XRCC4: variants seen among roughly 807,000 people sequenced by gnomAD.
XRCC4 encodes DNA repair protein XRCC4.
In XRCC4, 28 loss-of-function variants were observed where a neutral mutation model predicts 39.1. The ratio of observed to expected loss-of-function variants is 0.72; its 90% CI spans 0.53 to 0.98. The LOEUF is 0.98. Ranked by LOEUF, XRCC4 falls within the 50% of genes least tolerant of loss-of-function variation. The pLI is 0.00. For missense variants in XRCC4, 350 were observed against 376.4 expected, an observed-to-expected ratio of 0.93 and a Z score of 0.58; for synonymous variants, 123 against 126.4, an observed-to-expected ratio of 0.97 and a Z score of 0.18.
intron 7 of XRCC4, among the ~76,000 whole-genome samples, chr5:83,287,625 A>G (rs1754780529): frequency 2.0e-5 from 3 of 151,868 alleles, no homozygotes; most frequent in Admixed American, 2.0e-4. Context: ...CTTGCTCTCA[A>G]TGTTTTGACC....
chr5:83,115,450 CA>C (rs368143338), intron 3 of XRCC4, among the ~76,000 whole-genome samples: 1 of 151,932 alleles, frequency 6.6e-6, no homozygotes, highest in African/African-American at 2.4e-5. Flanking sequence ...AACAAACAAA[CA>C]AAAAAACAAG....
chr5:83,229,857 A>G (rs1418428639), intron 6 of XRCC4, among the ~76,000 whole-genome samples: 1 of 151,878 alleles, frequency 6.6e-6, no homozygotes, highest in Admixed American at 6.6e-5. Flanking sequence ...TTAGAAAGTT[A>G]ATTTATTTTC....
intron 4 of XRCC4, among the ~76,000 whole-genome samples, chr5:83,201,066 TA>T (rs1751169795): frequency 6.6e-6 from 1 of 152,254 alleles, no homozygotes. Context: ...ACAGTTTTTT[TA>T]AAAGCTGAAG....
intron 4 of XRCC4, among the ~76,000 whole-genome samples, chr5:83,196,448 C>T (rs1477603956): frequency 6.6e-6 from 1 of 151,950 alleles, no homozygotes; most frequent in Non-Finnish European, 1.5e-5. Flanking sequence ...CTGGATAAGA[C>T]ATTTGGAAGC....
In XRCC4 at chr5:83,226,688, C is replaced by A. The variant is rs186702161; in HGVS notation, c.745+21767C>A. Among the ~76,000 whole-genome samples the A allele has an allele frequency of 8.6e-4, 131 of 152,138 alleles. No individual in the cohort carries two copies. The Middle Eastern group carries it at 0.01, about 12-fold the overall frequency. ...CACTGCCTGGGATAGGATCTGTGCC[C>A]GAATTTATCTCAGCTTTTTCTATTC... On this transcript the variant is annotated intron_variant, in intron 6 of 7. Coordinates refer to ENST00000396027, the MANE Select transcript of XRCC4 (RefSeq NM_003401.5).
chr5:83,171,823 T>C (rs1749740248), intron 3 of XRCC4, among the ~76,000 whole-genome samples: 1 of 152,182 alleles, frequency 6.6e-6, no homozygotes, highest in Non-Finnish European at 1.5e-5. Context: ...ATTATAATTT[T>C]CACAAGGACA....
At chr5:83,276,612 G>T (rs1001566189) in intron 7 of XRCC4, among the ~76,000 whole-genome samples, 1 of 152,068 alleles carries the variant, frequency 6.6e-6, no homozygotes, top group South Asian at 2.1e-4. Context: ...CACACAAATG[G>T]TCTCTCCAGA....
intron 1 of XRCC4, among the ~76,000 whole-genome samples, chr5:83,091,659 C>T (rs1042721929): frequency 3.9e-5 from 6 of 152,190 alleles, no homozygotes; most frequent in African/African-American, 1.2e-4. Context: ...GTAATGTCCT[C>T]CAATTCCGTC....
At chr5:83,163,668 T>G (rs2112593203) in intron 3 of XRCC4, among the ~76,000 whole-genome samples, 1 of 152,312 alleles carries the variant, frequency 6.6e-6, no homozygotes, top group South Asian at 2.1e-4. Flanking sequence ...GAATTGTATA[T>G]AGCTATGAAT....
At chr5:83,132,093 C>G (rs772055790) in intron 3 of XRCC4, among the ~76,000 whole-genome samples, 3 of 152,144 alleles carry the variant, frequency 2.0e-5, no homozygotes, top group Admixed American at 6.5e-5. Flanking sequence ...CAAAATCTCT[C>G]AGCATTTGCT....
At chr5:83,176,078 C>T (rs1749943397) in intron 3 of XRCC4, among the ~76,000 whole-genome samples, 1 of 151,918 alleles carries the variant, frequency 6.6e-6, no homozygotes, top group South Asian at 2.1e-4. Flanking sequence ...GATAAAATCA[C>T]ATTAATTATG....
intron 3 of XRCC4, among the ~76,000 whole-genome samples, chr5:83,140,168 T>A (rs1277518209): frequency 1.3e-5 from 2 of 152,222 alleles, no homozygotes; most frequent in Non-Finnish European, 2.9e-5. Context: ...TTGACTCATA[T>A]GATCACAAGG....
Position 83,314,198 on chromosome 5 carries a change from T to C in XRCC4, c.894-38933T>C, listed in dbSNP as rs960405776. 2.2e-4 allele frequency among the ~76,000 whole-genome samples: 33 copies of C among 152,288 alleles called. 1 individual carries two copies. Among genetic ancestry groups the C allele is most frequent in the African/African-American group, 7.7e-4 (32 of 41,574 alleles). ...GGTAGGCACTAATTTAAAAAAATTG[T>C]ATCAGTCAAATAAATAAATTATAAC... is the stretch of plus-strand genomic sequence containing the variant. On this transcript the variant is annotated intron_variant, in intron 7 of 7. Transcript: ENST00000396027.
intron 3 of XRCC4, among the ~76,000 whole-genome samples, chr5:83,178,635 G>A (rs1382381613): frequency 6.6e-6 from 1 of 152,114 alleles, no homozygotes; most frequent in Non-Finnish European, 1.5e-5. Context: ...AATATAGAAA[G>A]GGGAGGAGGA....
At chr5:83,291,380 T>C (rs2112977222) in intron 7 of XRCC4, among the ~76,000 whole-genome samples, 1 of 151,828 alleles carries the variant, frequency 6.6e-6, no homozygotes, top group South Asian at 2.1e-4. Flanking sequence ...GAGATTATTA[T>C]CTTTAAAAAA....
At chr5:83,374,248 T>C in the XRCC4 span, among the ~76,000 whole-genome samples, 4 of 152,168 alleles carry the variant, frequency 2.6e-5, no homozygotes, top group Non-Finnish European at 5.9e-5. Flanking sequence ...AGGGACCCAG[T>C]GGGAGATCAA....
the XRCC4 span, among the ~76,000 whole-genome samples, chr5:83,363,656 A>T: frequency 6.6e-6 from 1 of 152,180 alleles, no homozygotes. Context: ...GTGACGCCTA[A>T]CCTGCCCACA....
At chr5:83,251,096 T>C (rs759821674) in intron 6 of XRCC4, among the ~76,000 whole-genome samples, 13 of 151,968 alleles carry the variant, frequency 8.6e-5, no homozygotes, top group Non-Finnish European at 1.3e-4. Flanking sequence ...GCCTCTGAAA[T>C]TTACCTTAAT....
At chr5:83,287,068 AT>A (rs1404499253) in intron 7 of XRCC4, among the ~76,000 whole-genome samples, 5 of 152,042 alleles carry the variant, frequency 3.3e-5, no homozygotes, top group Non-Finnish European at 7.4e-5. Context: ...TGTATCTAGG[AT>A]TTGTTAGGCA....
Sources: allele counts gnomAD v4.1 joint callset (sites outside exome capture counted in the v4.1 genomes callset), GRCh38; gene constraint gnomAD v4.1.1; transcripts MANE v1.5; gene names NCBI Gene and HGNC (gene_info 2026-07-23, HGNC 2026-07-21).